DCC: variants seen among roughly 807,000 people sequenced by gnomAD.
DCC encodes netrin receptor DCC.
Under a neutral mutation model 172.5 loss-of-function variants are expected in DCC, and 58 were observed. The observed-to-expected ratio is 0.34, with a 90% confidence interval of 0.27 to 0.42. The LOEUF (loss-of-function observed/expected upper bound fraction) is 0.42, where lower values mean the gene tolerates loss of function less well. Ranked by LOEUF, DCC falls within the 10% of genes least tolerant of loss-of-function variation. DCC has a pLI of 1.00. For synonymous variants in DCC, 709 were observed against 644.5 expected, an observed-to-expected ratio of 1.10 and a Z score of -1.52; for missense variants, 1,740 against 1,791.0, an observed-to-expected ratio of 0.97 and a Z score of 0.51.
intron 1 of DCC, among the ~76,000 whole-genome samples, chr18:52,742,435 G>T (rs960014293): frequency 6.6e-6 from 1 of 152,084 alleles, no homozygotes; most frequent in African/African-American, 2.4e-5. Flanking sequence ...GAAGGATAGG[G>T]ATTATTAGGC....
At chr18:52,880,740 A>G (rs1015194503) in intron 2 of DCC, among the ~76,000 whole-genome samples, 2 of 152,142 alleles carry the variant, frequency 1.3e-5, no homozygotes, top group African/African-American at 4.8e-5. Flanking sequence ...TATGTACCAC[A>G]TTCTCTTTAT....
chr18:53,185,466 GAAATA>G (rs1258091233), intron 9 of DCC, among the ~76,000 whole-genome samples: 2 of 152,100 alleles, frequency 1.3e-5, no homozygotes, highest in African/African-American at 2.4e-5. Context: ...TAAAAGTATT[GAAATA>G]AAATAAAATT....
At chr18:52,741,319 A>G (rs1010377405) in intron 1 of DCC, among the ~76,000 whole-genome samples, 9 of 152,176 alleles carry the variant, frequency 5.9e-5, no homozygotes, top group African/African-American at 1.9e-4. Context: ...ATAGCCTCCA[A>G]TCTAGTTTCT....
chr18:52,560,184 C>G (rs1205132176), intron 1 of DCC, among the ~76,000 whole-genome samples: 1 of 152,176 alleles, frequency 6.6e-6, no homozygotes, highest in Admixed American at 6.6e-5. Flanking sequence ...CGCATGATCT[C>G]TGTTGCAACT....
intron 15 of DCC, among the ~76,000 whole-genome samples, chr18:53,378,000 C>T (rs1465098256): frequency 6.6e-6 from 1 of 152,088 alleles, no homozygotes; most frequent in East Asian, 1.9e-4. Context: ...CGGGGTCTGG[C>T]TCTGTTGCTG....
At chr18:53,313,150 TG>T (rs1458495130) in intron 13 of DCC, among the ~76,000 whole-genome samples, 1 of 152,086 alleles carries the variant, frequency 6.6e-6, no homozygotes, top group Non-Finnish European at 1.5e-5. Context: ...CTATCAGAGT[TG>T]GGGCCCCCAA....
At chr18:53,074,026 ATC>A (rs2042690780) in intron 7 of DCC, among the ~76,000 whole-genome samples, 1 of 152,084 alleles carries the variant, frequency 6.6e-6, no homozygotes, top group South Asian at 2.1e-4. Flanking sequence ...AATTATTAAG[ATC>A]TATTAGAATT....
In DCC at chr18:53,065,382, A is replaced by G. The variant is rs1384923527; in HGVS notation, c.1141-664A>G. On this transcript the variant is annotated intron_variant, in intron 6 of 28. Coordinates refer to ENST00000442544, the MANE Select transcript of DCC (RefSeq NM_005215.4). Reference sequence around the variant, plus strand: ...TCATTTTATCATCCATCCTTGAAAAAGATGGTGGCTCAATTTCTAAATAAA... The same window carrying G: ...TCATTTTATCATCCATCCTTGAAAAGGATGGTGGCTCAATTTCTAAATAAA... 3.3e-5 allele frequency among the ~76,000 whole-genome samples: 5 copies of G among 152,280 alleles called. No homozygotes were observed. In the East Asian group the frequency reaches 9.7e-4, roughly 29 times the overall value.
intron 1 of DCC, among the ~76,000 whole-genome samples, chr18:52,611,979 G>A (rs1379764585): frequency 6.6e-6 from 1 of 152,060 alleles, no homozygotes; most frequent in East Asian, 1.9e-4. Flanking sequence ...ATAGGTTTTG[G>A]CATTGGATTT....
At chr18:52,951,971 A>G (rs1401115766) in intron 5 of DCC, among the ~76,000 whole-genome samples, 1 of 152,204 alleles carries the variant, frequency 6.6e-6, no homozygotes, top group East Asian at 1.9e-4. Flanking sequence ...AGTATTTTCA[A>G]TGAAGATGTG....
chr18:53,031,930 A>C (rs573151371), intron 5 of DCC, among the ~76,000 whole-genome samples: 1 of 152,054 alleles, frequency 6.6e-6, no homozygotes, highest in Non-Finnish European at 1.5e-5. Context: ...TGCATTTTTC[A>C]AAAAGGGGCA....
At chr18:53,230,283 C>A (rs187225767) in intron 12 of DCC, among the ~76,000 whole-genome samples, 37 of 152,032 alleles carry the variant, frequency 2.4e-4, no homozygotes, top group African/African-American at 4.8e-5. Context: ...ATTTGATATA[C>A]CCCCAAAGTA....
rs1263842894 is a variant in DCC at position 53,159,189 on chromosome 18, A to G, written c.1418+1677A>G. ...TGGAAGCAATGATTCTTGCCCAGTC[A>G]TCATGTTTTTACATGGATTTCCTGG... On this transcript the variant is annotated intron_variant, in intron 8 of 28. Transcript: ENST00000442544. Among the ~76,000 whole-genome samples the G allele has an allele frequency of 1.2e-4, 18 of 152,258 alleles. No homozygotes were observed. The East Asian group carries it at 3.5e-3, about 29-fold the overall frequency.
intron 11 of DCC, 43 bp from the exon 12 acceptor site, chr18:53,215,505 A>G (rs777320471): frequency 6.5e-7 from 1 of 1,535,324 alleles, no homozygotes; most frequent in Non-Finnish European, 9.0e-7. Flanking sequence ...TTTTCTTTCA[A>G]GATTTTGGCA....
In DCC at chr18:53,054,971, T is replaced by C. The variant is rs571231777; in HGVS notation, c.986-8334T>C. 6.6e-5 allele frequency among the ~76,000 whole-genome samples: 10 copies of C among 152,286 alleles called. No individual in the cohort carries two copies. The East Asian group carries it at 1.2e-3, about 18-fold the overall frequency. On this transcript the variant is annotated intron_variant, in intron 5 of 28. Transcript: ENST00000442544. The stretch of plus-strand genomic sequence containing the variant: ...CTATAGGTGCAATTGGTATGAACTT[T>C]AGAATAAAAGAATCCCCTTATATCT...
At chr18:53,112,399 C>T (rs1007540668) in intron 7 of DCC, among the ~76,000 whole-genome samples, 2 of 151,452 alleles carry the variant, frequency 1.3e-5, no homozygotes, top group Non-Finnish European at 3.0e-5. Context: ...TTCTATTGTA[C>T]AGTTGACACA....
chr18:52,917,529 G>A (rs767736283), intron 3 of DCC, among the ~76,000 whole-genome samples: 9 of 152,144 alleles, frequency 5.9e-5, no homozygotes, highest in Non-Finnish European at 1.0e-4. Flanking sequence ...AATGATTGTA[G>A]ACTGGTCATC....
chr18:53,237,988 T>C, intron 12 of DCC, among the ~76,000 whole-genome samples: 1 of 152,274 alleles, frequency 6.6e-6, no homozygotes, highest in East Asian at 1.9e-4. Flanking sequence ...GAACACAATT[T>C]GTTTGAAACC....
At position 53,072,728 on chromosome 18, in the gene DCC, T is replaced by C. The variant is rs543919493; in HGVS notation, c.1261+6562T>C. 4.6e-5 allele frequency among the ~76,000 whole-genome samples: 7 copies of C among 152,344 alleles called. No individual in the cohort carries two copies. The South Asian group carries it at 1.2e-3, about 27-fold the overall frequency. ...CAAGAATAAATGCTATTATAGATAT[T>C]TCCCAAAATGTTGGTTTGCTTGGGC... On this transcript the variant is annotated intron_variant, in intron 7 of 28. Transcript: ENST00000442544.
Sources: gnomAD v4.1 joint callset for allele counts (sites outside exome capture counted in the v4.1 genomes callset) on GRCh38, gnomAD v4.1.1 for gene constraint, MANE v1.5 for transcripts, NCBI Gene and HGNC (gene_info 2026-07-23, HGNC 2026-07-21) for gene names.